HMCN1: variants seen among roughly 807,000 people sequenced by gnomAD.
HMCN1 encodes the protein hemicentin 1, also known as hemicentin-1.
In HMCN1, 321 loss-of-function variants were observed where a neutral mutation model predicts 625.9. The observed-to-expected ratio is 0.51, with a 90% CI of 0.47 to 0.56. The LOEUF (loss-of-function observed/expected upper bound fraction) is 0.56. Ranked by LOEUF, HMCN1 falls within the 20% of genes least tolerant of loss-of-function variation. The pLI is 0.00. For missense variants in HMCN1, 6,588 were observed against 6,887.3 expected (o/e 0.96, Z 1.54); for synonymous variants, 2,425 against 2,417.6 (o/e 1.00, Z -0.09).
intron 97 of HMCN1, among the ~76,000 whole-genome samples, chr1:186,157,572 G>A (rs932428085): frequency 2.0e-5 from 3 of 152,106 alleles, no homozygotes; most frequent in African/African-American, 7.2e-5. Context: ...TGACATGCTG[G>A]TGCGCTGCAC....
chr1:185,807,265 CAA>C (rs1282102662), intron 1 of HMCN1, among the ~76,000 whole-genome samples: 21 of 152,246 alleles, frequency 1.4e-4, no homozygotes, highest in Middle Eastern at 3.4e-3. Context: ...ACTGAAGAGT[CAA>C]TATTCAGACT....
intron 11 of HMCN1, among the ~76,000 whole-genome samples, chr1:185,960,275 T>C (rs1649921616): frequency 6.6e-6 from 1 of 151,902 alleles, no homozygotes; most frequent in South Asian, 2.1e-4. Context: ...ATTACAGGCA[T>C]GCACCACCAC....
At position 186,189,741 on chromosome 1, in the gene HMCN1, G is replaced by C; in HGVS notation, c.16771G>C (p.Val5591Leu). 6.2e-7 allele frequency: 1 copy of C among 1,613,684 alleles called. No homozygotes were observed. Among genetic ancestry groups the C allele is most frequent in the Non-Finnish European group, 8.5e-7 (1 of 1,179,818 alleles). The change falls in exon 107 of 107, where the codon GTG becomes CTG. Residue 5591 changes from valine (V) to leucine (L), a missense_variant. Val to Leu is a conservative substitution (Grantham distance 32). Around this residue, in one of 3 missense-constraint regions of HMCN1, gnomAD observed 1,954 missense variants for 2,013.1 expected, o/e 0.97. Transcript: ENST00000271588. ...ALRDENLKGV[V>L]YTTRPLREAE... ...GAGGGATGAAAACCTGAAAGGAGTG[G>C]TGTATACAACACGACCACTACGAGA...
At chr1:185,799,438 T>G (rs1658635624) in intron 1 of HMCN1, among the ~76,000 whole-genome samples, 1 of 152,142 alleles carries the variant, frequency 6.6e-6, no homozygotes, top group Non-Finnish European at 1.5e-5. Context: ...TGAAGTTAGT[T>G]GGAGCTAGAC....
At position 186,137,615 on chromosome 1, in the gene HMCN1, C is replaced by G; in HGVS notation, c.13700C>G (p.Pro4567Arg). Reference protein sequence around the residue: ...NQPLPANGGKPCQGSDLEMRN... With the variant: ...NQPLPANGGKRCQGSDLEMRN... Reference sequence around the variant, plus strand: ...CCCCTTCCAGCCAATGGTGGGAAGCCCTGCCAAGGTTCAGATTTGGAAATG... The same window carrying G: ...CCCCTTCCAGCCAATGGTGGGAAGCGCTGCCAAGGTTCAGATTTGGAAATG... Residue 4567 changes from proline (P) to arginine (R), a missense_variant, in exon 88 of 107, where the codon CCC (proline) becomes CGC (arginine). By Grantham distance (103) the Pro-to-Arg change is moderately radical (BLOSUM62 -2). Around this residue, in one of 3 missense-constraint regions of HMCN1, gnomAD observed 1,954 missense variants for 2,013.1 expected, o/e 0.97. Transcript: ENST00000271588. 6.2e-7 allele frequency: 1 copy of G among 1,614,018 alleles called. No homozygotes were observed. The highest frequency in any genetic ancestry group is 8.5e-7 in the Non-Finnish European group (1 of 1,179,970).
intron 48 of HMCN1, 141 bp from the exon 49 acceptor site, chr1:186,065,097 G>A: frequency 1.6e-6 from 1 of 632,598 alleles, no homozygotes; most frequent in Non-Finnish European, 2.8e-6. Context: ...AGCTTGCATA[G>A]TTATTTTTAA....
At chr1:185,907,858 C>A (rs1329762404) in intron 4 of HMCN1, among the ~76,000 whole-genome samples, 1 of 149,346 alleles carries the variant, frequency 6.7e-6, no homozygotes, top group African/African-American at 2.6e-5. Flanking sequence ...AACAGCATTT[C>A]TTGTATTATG....
intron 1 of HMCN1, among the ~76,000 whole-genome samples, chr1:185,836,382 ATG>A (rs1661175774): frequency 6.6e-6 from 1 of 152,176 alleles, no homozygotes; most frequent in African/African-American, 2.4e-5. Context: ...CCTTATGCAC[ATG>A]TGTCTTTGCA....
At chr1:186,083,997 A>G (rs1659325734) in intron 57 of HMCN1, among the ~76,000 whole-genome samples, 1 of 152,192 alleles carries the variant, frequency 6.6e-6, no homozygotes. Context: ...TCTAATCTGT[A>G]AAGTGCAGTA....
At chr1:185,768,953 C>A (rs1457628914) in intron 1 of HMCN1, among the ~76,000 whole-genome samples, 1 of 152,116 alleles carries the variant, frequency 6.6e-6, no homozygotes, top group East Asian at 1.9e-4. Flanking sequence ...TACAAAATAT[C>A]TGGTACATAG....
Position 186,186,647 on chromosome 1 carries a change from G to A in HMCN1, c.16415-1236G>A, listed in dbSNP as rs1300432347. 2.6e-5 allele frequency among the ~76,000 whole-genome samples: 4 copies of A among 152,244 alleles called. No homozygotes were observed. In the East Asian group the frequency reaches 7.7e-4, roughly 29 times the overall value. On this transcript the variant is annotated intron_variant, in intron 105 of 106. Transcript: ENST00000271588. ...TTCTTATTCTCTGTTTATCCTCTGA[G>A]ATTAGTTGCAATCTGTTTTTGTAAA...
intron 29 of HMCN1, among the ~76,000 whole-genome samples, chr1:186,004,199 A>G (rs1252192308): frequency 6.6e-6 from 1 of 152,184 alleles, no homozygotes; most frequent in African/African-American, 2.4e-5. Context: ...TGTGTTTATG[A>G]CAGCAAAATG....
At chr1:185,833,058 T>G (rs1347477223) in intron 1 of HMCN1, among the ~76,000 whole-genome samples, 1 of 152,222 alleles carries the variant, frequency 6.6e-6, no homozygotes, top group African/African-American at 2.4e-5. Flanking sequence ...TAGTAGCATT[T>G]ATTTCAACTT....
chr1:186,164,998 T>C (rs973512291), intron 97 of HMCN1, 113 bp from the exon 98 acceptor site: 1 of 911,912 alleles, frequency 1.1e-6, no homozygotes, highest in Non-Finnish European at 1.8e-6. Flanking sequence ...TATTGCATTT[T>C]TGCATCATGT....
rs1420416777 is a variant in HMCN1 at position 186,179,078 on chromosome 1, T to C, written c.16294+312T>C. 8.1e-4 allele frequency among the ~76,000 whole-genome samples: 124 copies of C among 152,202 alleles called. 1 individual carries two copies. The highest frequency in any genetic ancestry group is 1.5e-4 in the Non-Finnish European group (10 of 68,042). ...TCAGTGGCATCCAGAATGTAGTTTA[T>C]TTAAAAGAGGATGTAAATATTGCCA... On this transcript the variant is annotated intron_variant, in intron 104 of 106. Coordinates refer to ENST00000271588, the MANE Select transcript of HMCN1 (RefSeq NM_031935.3).
intron 36 of HMCN1, among the ~76,000 whole-genome samples, chr1:186,026,004 G>T (rs1027349341): frequency 6.6e-6 from 1 of 152,228 alleles, no homozygotes; most frequent in African/African-American, 2.4e-5. Context: ...GATACTAATT[G>T]TGATCAGCCT....
chr1:186,143,412 G>A (rs1364135743), intron 89 of HMCN1, among the ~76,000 whole-genome samples: 4 of 152,140 alleles, frequency 2.6e-5, no homozygotes, highest in Non-Finnish European at 5.9e-5. Flanking sequence ...TATAAGGAAA[G>A]CCATAATGTT....
chr1:185,927,688 A>C (rs1667346494), intron 9 of HMCN1, among the ~76,000 whole-genome samples: 1 of 152,154 alleles, frequency 6.6e-6, no homozygotes, highest in African/African-American at 2.4e-5. Flanking sequence ...TTCAGTGGTA[A>C]GTCTCTTGAC....
At position 186,059,355 on chromosome 1, in the gene HMCN1, G is replaced by A. The variant is rs1657541113; in HGVS notation, c.7312+1954G>A. 2.6e-5 allele frequency among the ~76,000 whole-genome samples: 4 copies of A among 152,058 alleles called. No homozygotes were observed. In the South Asian group the frequency reaches 8.3e-4, roughly 31 times the overall value. On this transcript the variant is annotated intron_variant, in intron 46 of 106. Transcript: ENST00000271588. ...TAAAAAATGTTCACTTGCTAAGGAA[G>A]TAGGGACTCTTATTAAATATAGTAA...
Sources: allele counts gnomAD v4.1 joint callset (sites outside exome capture counted in the v4.1 genomes callset), GRCh38; gene constraint gnomAD v4.1.1; regional missense constraint gnomAD v4.1.1; transcripts MANE v1.5; gene names NCBI Gene and HGNC (gene_info 2026-07-23, HGNC 2026-07-21).